FOXO1: variants seen among roughly 807,000 people sequenced by gnomAD.
The protein encoded by FOXO1 is forkhead box O1, also known as forkhead box protein O1.
Under a neutral mutation model 44.1 loss-of-function variants are expected in FOXO1, and 6 were observed. The observed-to-expected ratio is 0.14, with a 90% confidence interval of 0.07 to 0.27. The LOEUF (loss-of-function observed/expected upper bound fraction) is 0.27, where lower values mean the gene tolerates loss of function less well. Among genes scored for constraint, FOXO1 ranks in the 10% least tolerant of loss-of-function variants. FOXO1 has a pLI of 1.00. For missense variants in FOXO1, 737 were observed against 888.8 expected, an observed-to-expected ratio of 0.83 and a Z score of 2.17; for synonymous variants, 380 against 362.7, an observed-to-expected ratio of 1.05 and a Z score of -0.54.
chr13:40,612,182 C>A lies in FOXO1; in HGVS notation c.631-51322G>T, dbSNP rs150562247. Among the ~76,000 whole-genome samples the A allele has an allele frequency of 1.2e-3, 176 of 152,264 alleles. 1 individual carries two copies. Among genetic ancestry groups the A allele is most frequent in the African/African-American group, 4.1e-3 (170 of 41,544 alleles). On this transcript the variant is annotated intron_variant, in intron 1 of 2. Transcript: ENST00000379561. ...AAACAAGGTCAGTAGACTGAAAGGG[C>A]CAGCAGAAAACACAATGACTCAAGG...
chr13:40,644,691 A>G (rs1021989700), intron 1 of FOXO1, among the ~76,000 whole-genome samples: 2 of 152,166 alleles, frequency 1.3e-5, no homozygotes, highest in African/African-American at 4.8e-5. Flanking sequence ...CTCAACATAT[A>G]AAATGTCTTT....
In FOXO1 at chr13:40,665,839, G is replaced by A. The variant is rs1171268819; in HGVS notation, c.374C>T (p.Pro125Leu). 53 of 1,139,486 alleles carry A rather than the reference G, an allele frequency of 4.7e-5. 1 individual carries two copies. The East Asian group carries it at 2.3e-3, about 49-fold the overall frequency. The allele number at this position is 1,139,486 out of a possible 1,614,324, so 70.6% of individuals were successfully genotyped here. Residue 125 changes from proline (P) to leucine (L), a missense_variant, in exon 1 of 3, where the codon CCC becomes CTC. By Grantham distance (98) the Pro-to-Leu change is moderately conservative (BLOSUM62 -3). This residue lies in a region of FOXO1 where 213 missense variants were observed against 236.4 expected (regional missense o/e 0.90). Coordinates refer to ENST00000379561, the MANE Select transcript of FOXO1 (RefSeq NM_002015.4). ...AGCLHPAPPQ[P>L]PPPGPLSQHP... ...CTGCGACAGCGGCCCGGGCGGCGGGGGCTGCGGTGGCGCTGGGTGCAGGCA... is the reference window on the plus strand; with the variant it reads ...CTGCGACAGCGGCCCGGGCGGCGGGAGCTGCGGTGGCGCTGGGTGCAGGCA...
intron 1 of FOXO1, among the ~76,000 whole-genome samples, chr13:40,645,808 T>G (rs77668874): frequency 0.062 from 9,399 of 152,106 alleles, 692 homozygotes; most frequent in East Asian, 0.4. Context: ...ACTGGCCGGG[T>G]GCAGTGGCTG....
chr13:40,600,355 A>G (rs1421612205), intron 1 of FOXO1, among the ~76,000 whole-genome samples: 1 of 152,212 alleles, frequency 6.6e-6, no homozygotes, highest in East Asian at 1.9e-4. Flanking sequence ...ACCAGTCAGA[A>G]GGCATCACCA....
chr13:40,573,642 T>C (rs892525651), intron 1 of FOXO1, among the ~76,000 whole-genome samples: 4 of 152,232 alleles, frequency 2.6e-5, no homozygotes, highest in Non-Finnish European at 5.9e-5. Flanking sequence ...GATGATATTG[T>C]TGTCATACGT....
chr13:40,635,027 T>C (rs970998900), intron 1 of FOXO1, among the ~76,000 whole-genome samples: 6 of 152,178 alleles, frequency 3.9e-5, no homozygotes, highest in Non-Finnish European at 7.4e-5. Flanking sequence ...AACATCAATT[T>C]AGCATCATTC....
At chr13:40,657,774 T>C (rs1877903893) in intron 1 of FOXO1, among the ~76,000 whole-genome samples, 1 of 152,194 alleles carries the variant, frequency 6.6e-6, no homozygotes, top group Non-Finnish European at 1.5e-5. Context: ...TTTTGAGTCA[T>C]TGCTACCACT....
At chr13:40,621,005 C>T in intron 1 of FOXO1, 1 of 167,204 alleles carries the variant, frequency 6.0e-6, no homozygotes, top group Non-Finnish European at 1.3e-5. Context: ...ACCATGTTGG[C>T]CAGGCTGGTC....
At chr13:40,639,739 T>C (rs1471781580) in intron 1 of FOXO1, among the ~76,000 whole-genome samples, 3 of 152,220 alleles carry the variant, frequency 2.0e-5, no homozygotes, top group African/African-American at 7.2e-5. Flanking sequence ...AAGATGTTTC[T>C]TGAATTGCCA....
chr13:40,582,810 T>C (rs1226896416), intron 1 of FOXO1, among the ~76,000 whole-genome samples: 3 of 152,248 alleles, frequency 2.0e-5, no homozygotes. Flanking sequence ...AGGTCATCCA[T>C]GAAGACTGGA....
intron 1 of FOXO1, among the ~76,000 whole-genome samples, chr13:40,647,377 A>C (rs1593414043): frequency 6.6e-6 from 1 of 152,230 alleles, no homozygotes; most frequent in East Asian, 1.9e-4. Flanking sequence ...CTCCTGTTAG[A>C]GTCTACCATG....
intron 1 of FOXO1, among the ~76,000 whole-genome samples, chr13:40,564,568 G>A (rs952113003): frequency 1.3e-5 from 2 of 152,210 alleles, no homozygotes; most frequent in Non-Finnish European, 2.9e-5. Flanking sequence ...CGTTGTGTCT[G>A]CACTCCCCTA....
At chr13:40,573,755 C>T (rs1447020874) in intron 1 of FOXO1, among the ~76,000 whole-genome samples, 1 of 152,160 alleles carries the variant, frequency 6.6e-6, no homozygotes, top group Non-Finnish European at 1.5e-5. Flanking sequence ...TGGAAGTTAT[C>T]GACATCATTT....
At chr13:40,605,127 T>C (rs1182650897) in intron 1 of FOXO1, among the ~76,000 whole-genome samples, 2 of 151,856 alleles carry the variant, frequency 1.3e-5, no homozygotes, top group East Asian at 3.8e-4. Flanking sequence ...TATAAATATA[T>C]ATTTTTAGTC....
chr13:40,578,482 T>G (rs2137847062), intron 1 of FOXO1, among the ~76,000 whole-genome samples: 1 of 152,252 alleles, frequency 6.6e-6, no homozygotes, highest in African/African-American at 2.4e-5. Flanking sequence ...GGGACAGTCT[T>G]TATTCCCAAA....
At chr13:40,588,550 G>A (rs1183259581) in intron 1 of FOXO1, among the ~76,000 whole-genome samples, 1 of 152,090 alleles carries the variant, frequency 6.6e-6, no homozygotes, top group Non-Finnish European at 1.5e-5. Context: ...AAGATTTTGG[G>A]GGGGACATTT....
intron 1 of FOXO1, among the ~76,000 whole-genome samples, chr13:40,578,901 C>T (rs773859378): frequency 6.6e-6 from 1 of 152,140 alleles, no homozygotes; most frequent in Non-Finnish European, 1.5e-5. Flanking sequence ...TTTCTTTGCC[C>T]GCGCTTCTTG....
At chr13:40,648,036 T>A (rs1346322025) in intron 1 of FOXO1, among the ~76,000 whole-genome samples, 2 of 152,226 alleles carry the variant, frequency 1.3e-5, no homozygotes, top group African/African-American at 4.8e-5. Flanking sequence ...GTTTCAATCA[T>A]CTGACTCTTC....
At chr13:40,580,240 T>C (rs867712723) in intron 1 of FOXO1, among the ~76,000 whole-genome samples, 7 of 152,206 alleles carry the variant, frequency 4.6e-5, no homozygotes, top group Non-Finnish European at 7.3e-5. Context: ...GTGAAATATA[T>C]ATAATGTTTA....
Sources: allele counts gnomAD v4.1 joint callset (sites outside exome capture counted in the v4.1 genomes callset), GRCh38; gene constraint gnomAD v4.1.1; regional missense constraint gnomAD v4.1.1; transcripts MANE v1.5; gene names NCBI Gene and HGNC (gene_info 2026-07-23, HGNC 2026-07-21).